The following LTBP4 variants were observed in gnomAD, a reference collection of about 807,000 sequenced individuals.
The protein encoded by LTBP4 is latent-transforming growth factor beta-binding protein 4.
A neutral mutation model predicts 180.2 loss-of-function variants in LTBP4; 93 were observed. The ratio of observed to expected loss-of-function variants is 0.52; its 90% CI spans 0.44 to 0.61. LTBP4 has a LOEUF of 0.61. LTBP4 is among the 20% of genes least tolerant of loss of function. LTBP4 has a pLI of 0.00. For missense variants in LTBP4, 2,116 were observed against 2,256.5 expected (o/e 0.94, Z 1.26); for synonymous variants, 947 against 934.5 (o/e 1.01, Z -0.24).
At chr19:40,610,388 C>T in intron 11 of LTBP4, 144 bp from the exon 12 acceptor site, 4 of 926,860 alleles carry the variant, frequency 4.3e-6, no homozygotes, top group Non-Finnish European at 6.4e-6. Context: ...TCACTGTGCC[C>T]CTCTCCGGCT....
chr19:40,599,684 A>G, upstream of LTBP4: 4 of 857,488 alleles, frequency 4.7e-6, no homozygotes, highest in Non-Finnish European at 7.2e-6. Context: ...TTCTTTTGCT[A>G]TCAGCCTGTC....
Position 40,627,721 on chromosome 19 carries a change from C to G in LTBP4, c.4383C>G (p.Pro1461=). 1 of 1,596,354 alleles carries G rather than the reference C, an allele frequency of 6.3e-7. No homozygotes were observed. The highest frequency in any genetic ancestry group is 8.5e-7 in the Non-Finnish European group (1 of 1,172,874). ...GGSYAGSLAE[P]YEELEAEECG... ...TTCCCACAGGTTCCCTGGCTGAGCC[C>G]TACGAGGAGCTGGAGGCGGAGGAGT... Residue 1461 remains proline (P), a synonymous_variant, in exon 29 of 30, where the codon CCC becomes CCG. Coordinates refer to ENST00000396819, the MANE Select transcript of LTBP4 (RefSeq NM_001042545.2).
At chr19:40,608,150 A>C in intron 7 of LTBP4, 70 bp from the exon 8 acceptor site, 1 of 1,570,122 alleles carries the variant, frequency 6.4e-7, no homozygotes, top group Non-Finnish European at 8.7e-7. Context: ...AGCCAAGGCC[A>C]GAGTCTGGGC....
rs1359743830 is a variant in LTBP4 at position 40,627,322 on chromosome 19, C to T, written c.4333C>T (p.Pro1445Ser). Residue 1445 changes from proline to serine, a missense_variant, in exon 28 of 30, where the codon CCC becomes TCC. By Grantham distance (74) the Pro-to-Ser change is moderately conservative (BLOSUM62 -1). This residue lies in a region of LTBP4 where 488 missense variants were observed against 458.8 expected (regional missense o/e 1.06). Transcript: ENST00000396819. ...GGACACCCGCCGCTCCTTCCCAGAGCCCGAGGAGCCTCCTGAAGGTGGAAG... is the reference window on the plus strand; with the variant it reads ...GGACACCCGCCGCTCCTTCCCAGAGTCCGAGGAGCCTCCTGAAGGTGGAAG... ...SRDTRRSFPE[P>S]EEPPEGGSYA... The T allele has an allele frequency of 2.2e-5, 33 of 1,521,314 alleles. No homozygotes were observed. The highest frequency in any genetic ancestry group is 2.8e-5 in the Non-Finnish European group (32 of 1,136,358). 94.2% of individuals were successfully genotyped at this position (1,521,314 alleles called of 1,614,324 possible). A position where few individuals can be genotyped will look rare whatever the true frequency, so the allele number is the denominator to read the frequency against.
In LTBP4 at chr19:40,613,548, C is replaced by T; in HGVS notation, c.2557+19C>T. On this transcript the variant is annotated intron_variant, in intron 17 of 29. Coordinates refer to ENST00000396819, the MANE Select transcript of LTBP4 (RefSeq NM_001042545.2). The surrounding 1 kb of genome is among the most constrained non-coding windows in gnomAD (Gnocchi z 5.0). ...TGCCTCGGTTCGTACCCGGGCTGAT[C>T]CTGGCCCCGGAAAGGGTGGGCTTAG... 1 of 1,558,600 alleles carries T rather than the reference C, an allele frequency of 6.4e-7. No homozygotes were observed. Among genetic ancestry groups the T allele is most frequent in the Non-Finnish European group, 8.7e-7 (1 of 1,153,306 alleles).
rs1163576025 is a variant in LTBP4, at chr19:40,605,551, G to A, written c.589G>A (p.Ala197Thr). ...RAEAAARAEA[A>T]APYTVLAQSA... ...GGAAGCGGCGGCGCGGGCGGAGGCG[G>A]CAGCGCCCTACACGGTGTTGGCACA... The change falls in exon 3 of 30, where the codon GCA becomes ACA. Residue 197 changes from alanine to threonine, a missense_variant. By Grantham distance (58) the Ala-to-Thr change is moderately conservative. Around this residue, in one of 5 missense-constraint regions of LTBP4, gnomAD observed 469 missense variants for 532.5 expected, o/e 0.88. Coordinates refer to ENST00000396819, the MANE Select transcript of LTBP4 (RefSeq NM_001042545.2). The surrounding 1 kb of genome is among the most constrained non-coding windows in gnomAD (Gnocchi z 5.5). 6.2e-7 allele frequency: 1 copy of A among 1,605,150 alleles called. No homozygotes were observed. Among genetic ancestry groups the A allele is most frequent in the Non-Finnish European group, 8.5e-7 (1 of 1,176,936 alleles).
chr19:40,622,783 A>G lies in LTBP4; in HGVS notation c.3484+116A>G, dbSNP rs2081595724. The G allele has an allele frequency of 7.0e-7, 1 of 1,438,746 alleles. No homozygotes were observed. Among genetic ancestry groups the G allele is most frequent in the African/African-American group, 1.4e-5 (1 of 71,322 alleles). The allele number at this position is 1,438,746 out of a possible 1,614,324, so 89.1% of individuals were successfully genotyped here. A position where few individuals can be genotyped will look rare whatever the true frequency, so the allele number is the denominator to read the frequency against. On this transcript the variant is annotated intron_variant, in intron 23 of 29. Transcript: ENST00000396819. This position sits in a 1 kb window ranked among gnomAD's most constrained non-coding sequence, Gnocchi z 5.1. ...AGGGCCTTGAGGTACTAGTACTGTC[A>G]GGGCAAGGGCGAGCTGCCAGGCAGG... is the stretch of plus-strand genomic sequence containing the variant.
At chr19:40,599,220 C>G (rs2081407083), upstream of LTBP4, 1 of 1,612,134 alleles carries the variant, frequency 6.2e-7, no homozygotes, top group African/African-American at 1.3e-5. Flanking sequence ...CGCTGCTGCC[C>G]GGGCCAGACG....
chr19:40,597,365 C>G, upstream of LTBP4: 12 of 1,519,062 alleles, frequency 7.9e-6, no homozygotes, highest in Non-Finnish European at 1.1e-5. Flanking sequence ...CCGGGGGTCC[C>G]CAGCCGCCCG....
chr19:40,629,643 G>A lies in LTBP4; in HGVS notation c.*93G>A, dbSNP rs1163667490. 5 of 1,232,076 alleles carry A rather than the reference G, an allele frequency of 4.1e-6. No homozygotes were observed. The highest frequency in any genetic ancestry group is 4.3e-5 in the Admixed American group (1 of 23,416). The allele number at this position is 1,232,076 out of a possible 1,614,324, so 76.3% of individuals were successfully genotyped here. A position where few individuals can be genotyped will look rare whatever the true frequency, so the allele number is the denominator to read the frequency against. On this transcript the variant is annotated 3_prime_UTR_variant, in exon 30 of 30. Coordinates refer to ENST00000396819, the MANE Select transcript of LTBP4 (RefSeq NM_001042545.2). This position sits in a 1 kb window ranked among gnomAD's most constrained non-coding sequence, Gnocchi z 4.5. ...CGCTTATGCGTATGTGCACGGGGCC[G>A]CCCGCCTGGACCTGGAGAAGGGACC... is the stretch of plus-strand genomic sequence containing the variant.
rs996154430 is a variant in LTBP4, at chr19:40,629,145, G to A, written c.4520-251G>A. Among the ~76,000 whole-genome samples the A allele has an allele frequency of 1.3e-5, 2 of 152,038 alleles. No individual in the cohort carries two copies. The highest frequency in any genetic ancestry group is 4.8e-5 in the African/African-American group (2 of 41,396). On this transcript the variant is annotated intron_variant, in intron 29 of 29. Coordinates refer to ENST00000396819, the MANE Select transcript of LTBP4 (RefSeq NM_001042545.2). The surrounding 1 kb of genome is among the most constrained non-coding windows in gnomAD (Gnocchi z 4.5). ...ATTACAGGCATGAGCCACCGCGCCC[G>A]GCCATTATTATTTTCTTAACAAAAT...
upstream of LTBP4, chr19:40,601,295 G>T (rs1363844430): frequency 1.1e-6 from 1 of 937,936 alleles, no homozygotes; most frequent in African/African-American, 1.8e-5. Flanking sequence ...GAGCGGGGGC[G>T]CGGGCGACCT....
At chr19:40,627,571 A>T in intron 28 of LTBP4, 134 bp from the exon 29 acceptor site, 3 of 1,315,464 alleles carry the variant, frequency 2.3e-6, no homozygotes, top group East Asian at 2.5e-5. Flanking sequence ...CTGGCCCCGC[A>T]GCACCCGCCA....
intron 21 of LTBP4, among the ~76,000 whole-genome samples, chr19:40,617,643 CAA>C (rs56053315): frequency 2.5e-5 from 3 of 118,798 alleles, no homozygotes; most frequent in South Asian, 2.5e-4. Context: ...GACCCTGTCT[CAA>C]AAAAAAAAAA....
chr19:40,619,831 T>C (rs1448744498), intron 22 of LTBP4, among the ~76,000 whole-genome samples: 2 of 152,172 alleles, frequency 1.3e-5, no homozygotes, highest in African/African-American at 4.8e-5. Context: ...TATCACCAGA[T>C]AGTGACAACC....
upstream of LTBP4, chr19:40,599,742 A>G (rs1599857276): frequency 1.7e-6 from 1 of 591,458 alleles, no homozygotes; most frequent in Non-Finnish European, 3.0e-6. Context: ...GGCTCTTCCC[A>G]TCTCTGCATT....
At chr19:40,604,996 G>A (rs1206966732) in intron 1 of LTBP4, 39 bp from the exon 2 acceptor site, 6 of 1,574,102 alleles carry the variant, frequency 3.8e-6, no homozygotes, top group Non-Finnish European at 5.2e-6. Context: ...AACCTGCCAG[G>A]AATGGTGGCG....
At position 40,622,136 on chromosome 19, in the gene LTBP4, G is replaced by C. The variant is rs2081590226; in HGVS notation, c.3218-265G>C. 6.6e-6 allele frequency among the ~76,000 whole-genome samples: 1 copy of C among 152,204 alleles called. No individual in the cohort carries two copies. The highest frequency in any genetic ancestry group is 2.1e-4 in the South Asian group (1 of 4,834). On this transcript the variant is annotated intron_variant, in intron 22 of 29. Transcript: ENST00000396819. The surrounding 1 kb of genome is among the most constrained non-coding windows in gnomAD (Gnocchi z 5.1). ...GAGAGGCATCCAGGAAGCCAGGGAA[G>C]TTCCCTCACCACCCACCCAAGCTGT...
intron 21 of LTBP4, among the ~76,000 whole-genome samples, chr19:40,617,643 CAAAAAA>C (rs56053315): frequency 8.4e-6 from 1 of 118,766 alleles, no homozygotes; most frequent in African/African-American, 2.9e-5. Context: ...GACCCTGTCT[CAAAAAA>C]AAAAAAAAAA....
Sources: gnomAD v4.1 joint callset for allele counts (sites outside exome capture counted in the v4.1 genomes callset) on GRCh38, gnomAD v4.1.1 for gene constraint, gnomAD v4.1.1 regional missense constraint, Gnocchi (gnomAD v3.1) non-coding constraint, MANE v1.5 for transcripts, NCBI Gene and HGNC (gene_info 2026-07-23, HGNC 2026-07-21) for gene names.